PTPRD: variants seen among roughly 807,000 people sequenced by gnomAD.
PTPRD encodes protein tyrosine phosphatase receptor type D.
A neutral mutation model predicts 214.5 loss-of-function variants in PTPRD; 34 were observed. The ratio of observed to expected loss-of-function variants is 0.16; its 90% CI spans 0.12 to 0.21. The LOEUF (loss-of-function observed/expected upper bound fraction) is 0.21. Ranked by LOEUF, PTPRD falls within the 10% of genes least tolerant of loss-of-function variation. PTPRD has a pLI of 1.00. For synonymous variants in PTPRD, 1,128 were observed against 845.7 expected (o/e 1.33, Z -5.79); for missense variants, 2,545 against 2,398.7 (o/e 1.06, Z -1.27).
chr9:9,030,085 T>C (rs1355929862), intron 10 of PTPRD, among the ~76,000 whole-genome samples: 1 of 151,680 alleles, frequency 6.6e-6, no homozygotes, highest in African/African-American at 2.4e-5. Context: ...TCATGGAGCC[T>C]AAGGAAGAAA....
intron 8 of PTPRD, among the ~76,000 whole-genome samples, chr9:9,538,566 T>C (rs1018503339): frequency 3.9e-5 from 6 of 151,994 alleles, no homozygotes; most frequent in Admixed American, 3.3e-4. Flanking sequence ...GGCAGCCATA[T>C]GGCACCCAAC....
In PTPRD at chr9:8,636,960, T is replaced by C. The variant is rs2096455621; in HGVS notation, c.65-116A>G. On this transcript the variant is annotated intron_variant, in intron 12 of 45. Transcript: ENST00000381196. ...ACACCGCCATCAAGACATACATTTTTACAATGCACTATGGGATTACAAAAT... is the reference window on the plus strand; with the variant it reads ...ACACCGCCATCAAGACATACATTTTCACAATGCACTATGGGATTACAAAAT... 4 of 986,946 alleles carry C rather than the reference T, an allele frequency of 4.1e-6. No individual in the cohort carries two copies. In the Admixed American group the frequency reaches 1.0e-4, roughly 25 times the overall value. The allele number at this position is 986,946 out of a possible 1,614,324, so 61.1% of individuals were successfully genotyped here.
At chr9:8,943,248 A>G (rs1307818959) in intron 11 of PTPRD, among the ~76,000 whole-genome samples, 1 of 152,138 alleles carries the variant, frequency 6.6e-6, no homozygotes, top group African/African-American at 2.4e-5. Context: ...AATACCAATT[A>G]TATTCTTCAT....
At chr9:10,277,077 CT>C (rs1168151523) in intron 3 of PTPRD, among the ~76,000 whole-genome samples, 3 of 152,132 alleles carry the variant, frequency 2.0e-5, no homozygotes, top group African/African-American at 4.8e-5. Context: ...GCAAAGACCC[CT>C]GATTCATCAT....
chr9:8,380,291 C>T lies in PTPRD; in HGVS notation c.4387-3565G>A, dbSNP rs2084613235. 2.0e-5 allele frequency among the ~76,000 whole-genome samples: 3 copies of T among 152,122 alleles called. No homozygotes were observed. The South Asian group carries it at 6.2e-4, about 32-fold the overall frequency. On this transcript the variant is annotated intron_variant, in intron 37 of 45. Coordinates refer to ENST00000381196, the MANE Select transcript of PTPRD (RefSeq NM_002839.4). ...GACTAAGTGGGGTGTTTCTAAACCT[C>T]CTTGTTCTTCAAATAGGTGGTTCTG...
intron 3 of PTPRD, among the ~76,000 whole-genome samples, chr9:10,191,922 C>G (rs1030796220): frequency 3.9e-5 from 6 of 152,202 alleles, no homozygotes; most frequent in Non-Finnish European, 7.4e-5. Context: ...TATAAGTTCC[C>G]AAGACTCACT....
chr9:10,124,198 A>G (rs1163050543), intron 3 of PTPRD, among the ~76,000 whole-genome samples: 1 of 152,218 alleles, frequency 6.6e-6, no homozygotes, highest in Non-Finnish European at 1.5e-5. Flanking sequence ...TACTGTAAAT[A>G]GCATTTTTAA....
chr9:9,287,223 A>T (rs1949774743), intron 9 of PTPRD, among the ~76,000 whole-genome samples: 1 of 151,498 alleles, frequency 6.6e-6, no homozygotes, highest in African/African-American at 2.4e-5. Context: ...AGACTCTGTC[A>T]TCCCACCCCA....
At chr9:10,609,009 C>G (rs2080234956) in intron 2 of PTPRD, among the ~76,000 whole-genome samples, 1 of 152,058 alleles carries the variant, frequency 6.6e-6, no homozygotes, top group Admixed American at 6.6e-5. Context: ...GAACTGGGTA[C>G]AAAATTCTAC....
chr9:9,976,555 T>C (rs1186234949), intron 4 of PTPRD, among the ~76,000 whole-genome samples: 1 of 151,246 alleles, frequency 6.6e-6, no homozygotes, highest in African/African-American at 2.4e-5. Context: ...CCTGGCTAAT[T>C]TTTTGTATTT....
At chr9:9,547,198 T>G (rs1198529679) in intron 8 of PTPRD, among the ~76,000 whole-genome samples, 1 of 152,156 alleles carries the variant, frequency 6.6e-6, no homozygotes, top group African/African-American at 2.4e-5. Context: ...CTATCGATTT[T>G]GTAGCCAATA....
At chr9:10,457,064 ATC>A (rs1354746600) in intron 2 of PTPRD, among the ~76,000 whole-genome samples, 1 of 151,868 alleles carries the variant, frequency 6.6e-6, no homozygotes, top group African/African-American at 2.4e-5. Context: ...TATTATACAC[ATC>A]TCATTGTTTT....
intron 4 of PTPRD, among the ~76,000 whole-genome samples, chr9:9,960,576 G>C (rs997572587): frequency 6.6e-6 from 1 of 152,032 alleles, no homozygotes; most frequent in African/African-American, 2.4e-5. Flanking sequence ...CTTTTGATGG[G>C]ATGAGATGAA....
chr9:9,414,391 A>C (rs1056780165), intron 8 of PTPRD, among the ~76,000 whole-genome samples: 2 of 152,224 alleles, frequency 1.3e-5, no homozygotes, highest in Non-Finnish European at 2.9e-5. Flanking sequence ...TTGCATCAAA[A>C]AATAGGTACT....
At chr9:9,784,619 T>C (rs140110411) in intron 5 of PTPRD, among the ~76,000 whole-genome samples, 3 of 152,016 alleles carry the variant, frequency 2.0e-5, no homozygotes, top group African/African-American at 7.2e-5. Flanking sequence ...AATTAGCAGA[T>C]CAATAACCTA....
intron 5 of PTPRD, among the ~76,000 whole-genome samples, chr9:9,917,302 G>GAAAAAAAAAAAA (rs140708788): frequency 2.8e-4 from 6 of 21,214 alleles, no homozygotes; most frequent in Admixed American, 8.0e-4. Flanking sequence ...TAGCTAGACT[G>GAAAAAAAAAAAA]AAAAAAAAAA....
At chr9:9,873,841 T>A (rs1476834365) in intron 5 of PTPRD, among the ~76,000 whole-genome samples, 1 of 152,114 alleles carries the variant, frequency 6.6e-6, no homozygotes, top group Non-Finnish European at 1.5e-5. Context: ...ATTAGTGTTA[T>A]GAAAAAAGAA....
rs1179239648 is a variant in PTPRD, at chr9:9,208,017, C to T, written c.-202-24654G>A. 1.7e-4 allele frequency among the ~76,000 whole-genome samples: 5 copies of T among 29,878 alleles called. No homozygotes were observed. The East Asian group carries it at 0.014, about 84-fold the overall frequency. The allele number at this position is 29,878 out of a possible 152,430, so 19.6% of individuals were successfully genotyped here. ...AGGTGGTATGGCTATTCATATATATCTGCTTTTTTTTTTTTTTTTTGAGAC... is the reference window on the plus strand; with the variant it reads ...AGGTGGTATGGCTATTCATATATATTTGCTTTTTTTTTTTTTTTTTGAGAC... On this transcript the variant is annotated intron_variant, in intron 9 of 45. Coordinates refer to ENST00000381196, the MANE Select transcript of PTPRD (RefSeq NM_002839.4).
At chr9:10,423,040 G>C (rs1396153934) in intron 2 of PTPRD, among the ~76,000 whole-genome samples, 1 of 152,008 alleles carries the variant, frequency 6.6e-6, no homozygotes. Context: ...CAATAGCAAA[G>C]ACTTGGAACC....
Sources: gnomAD v4.1 joint callset for allele counts (sites outside exome capture counted in the v4.1 genomes callset) on GRCh38, gnomAD v4.1.1 for gene constraint, MANE v1.5 for transcripts, NCBI Gene and HGNC (gene_info 2026-07-23, HGNC 2026-07-21) for gene names.